Variants in CC2D1B observed in about 807,000 individuals in gnomAD.
CC2D1B encodes coiled-coil and C2 domain containing 1B.
A neutral mutation model predicts 110.8 loss-of-function variants in CC2D1B; 92 were observed. The ratio of observed to expected loss-of-function variants is 0.83; its 90% confidence interval spans 0.70 to 0.99. The LOEUF (loss-of-function observed/expected upper bound fraction) is 0.99. CC2D1B is among the 50% of genes least tolerant of loss of function. CC2D1B has a pLI of 0.00. For missense variants in CC2D1B, 1,136 were observed against 1,089.0 expected, an observed-to-expected ratio of 1.04 and a Z score of -0.61; for synonymous variants, 406 against 429.2, an observed-to-expected ratio of 0.95 and a Z score of 0.67.
At position 52,362,681 on chromosome 1, in the gene CC2D1B, A is replaced by G. The variant is rs1473256783; in HGVS notation, c.135T>C (p.Asp45=). 1 of 1,614,006 alleles carries G rather than the reference A, an allele frequency of 6.2e-7. No individual in the cohort carries two copies. The highest frequency in any genetic ancestry group is 8.5e-7 in the Non-Finnish European group (1 of 1,180,012). The change falls in exon 3 of 25, where the codon GAT becomes GAC. Residue 45 remains aspartate (D), a synonymous_variant. Transcript: ENST00000284376. ...CCAGCAGCTCAGCCTCCAGGTCCTC[A>G]TCATCTTCAGCCTCATCCATGCCCA... ...MLLGMDEAED[D]EDLEAELLAL...
rs371422941 is a variant in CC2D1B at position 52,357,921 on chromosome 1, T to C, written c.1462-23A>G. On this transcript the variant is annotated intron_variant, in intron 13 of 24. Transcript: ENST00000284376. ...ACCCTGCAGGTGCCCAGGAGGCTGTTAGGAGGGGATGTGTTCCCTAGCATA... is the reference window on the plus strand; with the variant it reads ...ACCCTGCAGGTGCCCAGGAGGCTGTCAGGAGGGGATGTGTTCCCTAGCATA... The C allele has an allele frequency of 4.6e-6, 7 of 1,534,470 alleles. No homozygotes were observed. In the African/African-American group the frequency reaches 6.9e-5, roughly 15 times the overall value.
Position 52,357,618 on chromosome 1 carries a change from G to C in CC2D1B, c.1660C>G (p.Leu554Val), listed in dbSNP as rs769630399. 6 of 1,592,158 alleles carry C rather than the reference G, an allele frequency of 3.8e-6. No homozygotes were observed. Among genetic ancestry groups the C allele is most frequent in the Non-Finnish European group, 5.1e-6 (6 of 1,168,646 alleles). Residue 554 changes from leucine to valine, a missense_variant, in exon 15 of 25, where the codon CTG becomes GTG. By Grantham distance (32) the Leu-to-Val change is conservative. Transcript: ENST00000284376. ...CGCAGATAGGCTTTGGCCTGCTCCA[G>C]GTCCTGGCTGCGCTTGGCCTGCAGG... Reference protein sequence around the residue: ...AALQAKRSQDLEQAKAYLRVA... With the variant: ...AALQAKRSQDVEQAKAYLRVA...
intron 15 of CC2D1B, 38 bp downstream of exon 15, chr1:52,357,488 G>T: frequency 2.6e-6 from 4 of 1,541,582 alleles, no homozygotes; most frequent in Non-Finnish European, 2.6e-6. Context: ...CGCCACCTCC[G>T]CCTGAGAAGT....
Position 52,357,131 on chromosome 1 carries a change from C to A in CC2D1B, c.1753-5G>T, listed in dbSNP as rs1275538872. On this transcript the variant is annotated splice_region_variant and splice_polypyrimidine_tract_variant and intron_variant, in intron 15 of 24. Coordinates refer to ENST00000284376, the MANE Select transcript of CC2D1B (RefSeq NM_001330585.2). ...ATCCGTCAAGGGCGAAGGCACCTAC[C>A]CAGGTCACAAGGCCCCTCGGGCCCC... The A allele has an allele frequency of 3.5e-5, 56 of 1,613,858 alleles. No individual in the cohort carries two copies. The highest frequency in any genetic ancestry group is 4.2e-5 in the Non-Finnish European group (49 of 1,179,958).
rs750464972 is a variant in CC2D1B at position 52,355,786 on chromosome 1, G to T, written c.2113C>A (p.Leu705Ile). 6.2e-7 allele frequency: 1 copy of T among 1,614,128 alleles called. No homozygotes were observed. The highest frequency in any genetic ancestry group is 8.5e-7 in the Non-Finnish European group (1 of 1,180,010). The change falls in exon 19 of 25, where the codon CTC (leucine) becomes ATC (isoleucine). Residue 705 changes from leucine (L) to isoleucine (I), a missense_variant. By Grantham distance (5) the Leu-to-Ile change is conservative. Transcript: ENST00000284376. ...CTAGGGTTACCTGGAGGGGCTGGGAGGTTCATTCCCCGGACAATGATCAGA... is the reference window on the plus strand; with the variant it reads ...CTAGGGTTACCTGGAGGGGCTGGGATGTTCATTCCCCGGACAATGATCAGA... ...MHLIIVRGMN[L>I]PAPPGVTPDD...
chr1:52,355,960 T>G (rs1286541546), intron 18 of CC2D1B, 116 bp from the exon 19 acceptor site: 1 of 1,079,586 alleles, frequency 9.3e-7, no homozygotes, highest in Non-Finnish European at 1.4e-6. Flanking sequence ...AAGGCAGAGC[T>G]GGTATGCAGA....
chr1:52,360,775 T>C lies in CC2D1B; in HGVS notation c.477+199A>G. On this transcript the variant is annotated intron_variant, in intron 5 of 24. Transcript: ENST00000284376. The stretch of plus-strand genomic sequence containing the variant: ...AAGCCAGGATATGGCTCCCGGGGGG[T>C]AGTCTAGGAGAACAGAGAGGCCTTT... 6.8e-6 allele frequency: 6 copies of C among 877,580 alleles called. No homozygotes were observed. The South Asian group carries it at 9.0e-5, about 13-fold the overall frequency. The allele number at this position is 877,580 out of a possible 1,614,324, so 54.4% of individuals were successfully genotyped here. A position where few individuals can be genotyped will look rare whatever the true frequency, so the allele number is the denominator to read the frequency against.
rs41294504 is a variant in CC2D1B at position 52,359,943 on chromosome 1, G to C, written c.764-60C>G. On this transcript the variant is annotated intron_variant, in intron 7 of 24. Transcript: ENST00000284376. ...GAGGGTCACAGAAGAAGGTGCCCAC[G>C]GACTTCACTGGCTTGAGGATGTCCT... 5.6e-3 allele frequency: 8,827 copies of C among 1,569,212 alleles called. 123 individuals are homozygous for C. Among genetic ancestry groups the C allele is most frequent in the South Asian group, 0.039 (3,270 of 83,728 alleles).
rs769847804 is a variant in CC2D1B, at chr1:52,358,313, T to C, written c.1461+18A>G. ...GCTATTCTCCCCACCAGCCCTGGAG[T>C]TGAGCCCTCAACCAAACCTCGTCCT... On this transcript the variant is annotated intron_variant, in intron 13 of 24. Transcript: ENST00000284376. 8.7e-6 allele frequency: 14 copies of C among 1,609,756 alleles called. No homozygotes were observed. The highest frequency in any genetic ancestry group is 4.4e-5 in the South Asian group (4 of 90,488).
At position 52,357,076 on chromosome 1, in the gene CC2D1B, A is replaced by G. The variant is rs571150441; in HGVS notation, c.1803T>C (p.His601=). The change falls in exon 16 of 25, where the codon CAT becomes CAC. Residue 601 remains histidine, a synonymous_variant. Transcript: ENST00000284376. ...CCTTCTGGGAGAGTCGCAGGTCCTC[A>G]TGGTGGATGAGGATGAAGTCACCCT... ...DEEGDFILIH[H]EDLRLSQKAE... 47 of 1,612,362 alleles carry G rather than the reference A, an allele frequency of 2.9e-5. No individual in the cohort carries two copies. In the South Asian group the frequency reaches 4.7e-4, roughly 16 times the overall value.
rs757624007 is a variant in CC2D1B at position 52,357,111 on chromosome 1, T to A, written c.1768A>T (p.Thr590Ser). ...VDLSKVPSPL[T>S]DEEGDFILIH... ...AGGATGAAGTCACCCTCCTCATCCG[T>A]CAAGGGCGAAGGCACCTACCCAGGT... The change falls in exon 16 of 25, where the codon ACG (threonine) becomes TCG (serine). Residue 590 changes from threonine to serine, a missense_variant. Physicochemically the swap from Thr to Ser is moderately conservative, Grantham distance 58. Transcript: ENST00000284376. The A allele has an allele frequency of 2.0e-5, 33 of 1,613,690 alleles. No individual in the cohort carries two copies. Among genetic ancestry groups the A allele is most frequent in the Non-Finnish European group, 2.8e-5 (33 of 1,179,936 alleles).
intron 21 of CC2D1B, 57 bp downstream of exon 21, chr1:52,355,341 A>G: frequency 1.3e-6 from 2 of 1,577,682 alleles, no homozygotes; most frequent in South Asian, 2.2e-5. Flanking sequence ...CTCTGGAAAC[A>G]CCAGTGCTGC....
At chr1:52,355,903 T>A in intron 18 of CC2D1B, 59 bp from the exon 19 acceptor site, 2 of 1,563,586 alleles carry the variant, frequency 1.3e-6, no homozygotes, top group Non-Finnish European at 1.8e-6. Flanking sequence ...TGGAACAAGG[T>A]CCCTTCGTCC....
At position 52,364,634 on chromosome 1, in the gene CC2D1B, C is replaced by G. The variant is rs1479617535; in HGVS notation, c.-14G>C. The G allele has an allele frequency of 6.3e-7, 1 of 1,597,524 alleles. No individual in the cohort carries two copies. The highest frequency in any genetic ancestry group is 8.6e-7 in the Non-Finnish European group (1 of 1,167,054). On this transcript the variant is annotated splice_region_variant and 5_prime_UTR_variant, in exon 2 of 25. Coordinates refer to ENST00000284376, the MANE Select transcript of CC2D1B (RefSeq NM_001330585.2). ...CCCTGGCATCATGGCAGCCTAGATA[C>G]CTATGGAAGAGTTACAGAGATTCAG...
At position 52,357,119 on chromosome 1, in the gene CC2D1B, G is replaced by A. The variant is rs779226979; in HGVS notation, c.1760C>T (p.Ser587Leu). 32 of 1,613,830 alleles carry A rather than the reference G, an allele frequency of 2.0e-5. No individual in the cohort carries two copies. Among genetic ancestry groups the A allele is most frequent in the Non-Finnish European group, 2.5e-5 (30 of 1,179,964 alleles). The change falls in exon 16 of 25, where the codon TCG (serine) becomes TTG (leucine). Residue 587 changes from serine to leucine, a missense_variant. By Grantham distance (145) the Ser-to-Leu change is moderately radical. Transcript: ENST00000284376. ...GTCACCCTCCTCATCCGTCAAGGGC[G>A]AAGGCACCTACCCAGGTCACAAGGC... The part of the protein sequence containing the change: ...GRPVDLSKVP[S>L]PLTDEEGDFI...
In CC2D1B at chr1:52,361,718, C is replaced by T. The variant is rs1646786912; in HGVS notation, c.215-102G>A. 37 of 1,428,218 alleles carry T rather than the reference C, an allele frequency of 2.6e-5. No homozygotes were observed. In the South Asian group the frequency reaches 4.3e-4, roughly 17 times the overall value. 88.5% of individuals were successfully genotyped at this position (1,428,218 alleles called of 1,614,324 possible). ...CCACCCAGGCAGAAATCCCTCTTCC[C>T]TCCCACAGCAGAGTCCCACCTGGAA... is the stretch of plus-strand genomic sequence containing the variant. On this transcript the variant is annotated intron_variant, in intron 3 of 24. Coordinates refer to ENST00000284376, the MANE Select transcript of CC2D1B (RefSeq NM_001330585.2).
chr1:52,352,291 G>A lies in CC2D1B; in HGVS notation c.*934C>T, dbSNP rs1311710836. 6.6e-6 allele frequency: 1 copy of A among 152,464 alleles called. No homozygotes were observed. The highest frequency in any genetic ancestry group is 6.5e-5 in the Admixed American group (1 of 15,278). 9.4% of individuals were successfully genotyped at this position (152,464 alleles called of 1,614,324 possible). ...CATTCAGAAAAACAAAGCCAAAGGA[G>A]AATTTCTTGTGGAAAAAAACTAAGG... On this transcript the variant is annotated 3_prime_UTR_variant, in exon 25 of 25. Transcript: ENST00000284376.
Position 52,361,003 on chromosome 1 carries a change from CG to C in CC2D1B, c.447del (p.Val150SerfsTer2). 2 of 1,614,146 alleles carry C rather than the reference CG, an allele frequency of 1.2e-6. No individual in the cohort carries two copies. The highest frequency in any genetic ancestry group is 3.3e-5 in the Admixed American group (2 of 60,020). On this transcript the variant is annotated frameshift_variant, in exon 5 of 25. Transcript: ENST00000284376. LOFTEE classifies it high-confidence loss of function. The part of the protein sequence containing the change: ...LEDTEPPVQT[A>X]VLTASAPAAQ... Reference sequence around the variant, plus strand: ...GCTGCTGGGGCTGAAGCTGTCAGGACGGCTGTCTGCACTGGAGGTTCAGTGT... The same window carrying C: ...GCTGCTGGGGCTGAAGCTGTCAGGACGCTGTCTGCACTGGAGGTTCAGTGT...
In CC2D1B at chr1:52,359,391, G is replaced by T. The variant is rs1346971010; in HGVS notation, c.1019-34C>A. 2.5e-6 allele frequency: 4 copies of T among 1,612,756 alleles called. No homozygotes were observed. The African/African-American group carries it at 5.3e-5, about 22-fold the overall frequency. On this transcript the variant is annotated intron_variant, in intron 9 of 24. Transcript: ENST00000284376. The stretch of plus-strand genomic sequence containing the variant: ...CCCAGAGTAGAGGTGTAGGTGGGAG[G>T]GCCTGGCCAGCCCCAGGCCTGCTAC...
Sources: gnomAD v4.1 joint callset for allele counts on GRCh38, gnomAD v4.1.1 for gene constraint, MANE v1.5 for transcripts, NCBI Gene and HGNC (gene_info 2026-07-23, HGNC 2026-07-21) for gene names.